The following PSD3 variants were observed in gnomAD, a reference collection of about 807,000 sequenced individuals.
PSD3 encodes pleckstrin and Sec7 domain containing 3.
Under a neutral mutation model 105.5 loss-of-function variants are expected in PSD3, and 49 were observed. The ratio of observed to expected loss-of-function variants is 0.46; its 90% CI spans 0.37 to 0.59. The LOEUF is 0.59. Among genes scored for constraint, PSD3 ranks in the 20% least tolerant of loss-of-function variants. PSD3 has a pLI of 0.00. For synonymous variants in PSD3, 557 were observed against 457.8 expected, an observed-to-expected ratio of 1.22 and a Z score of -2.77; for missense variants, 1,561 against 1,263.8, an observed-to-expected ratio of 1.24 and a Z score of -3.57.
At chr8:18,634,296 T>C (rs867610360) in intron 10 of PSD3, among the ~76,000 whole-genome samples, 1 of 151,934 alleles carries the variant, frequency 6.6e-6, no homozygotes, top group Admixed American at 6.6e-5. Flanking sequence ...TCAGTAATTG[T>C]GAGATAAGTG....
chr8:18,937,900 T>C (rs1341567814), intron 1 of PSD3, among the ~76,000 whole-genome samples: 2 of 151,960 alleles, frequency 1.3e-5, no homozygotes, highest in Non-Finnish European at 2.9e-5. Flanking sequence ...GTCAGCGACA[T>C]ATTGGCGGGA....
chr8:18,892,147 C>T (rs181097276), intron 2 of PSD3, among the ~76,000 whole-genome samples: 114 of 148,348 alleles, frequency 7.7e-4, no homozygotes, highest in Admixed American at 3.1e-3. Context: ...TCTTTCTTTC[C>T]CTATTGTTTG....
chr8:18,826,086 A>G (rs1813163288), intron 4 of PSD3, among the ~76,000 whole-genome samples: 1 of 152,182 alleles, frequency 6.6e-6, no homozygotes, highest in African/African-American at 2.4e-5. Context: ...AAGGGTAGAC[A>G]AAGTCTGAAT....
intron 4 of PSD3, among the ~76,000 whole-genome samples, chr8:18,828,091 T>TG (rs1813379940): frequency 7.4e-6 from 1 of 135,292 alleles, no homozygotes; most frequent in African/African-American, 2.8e-5. Flanking sequence ...ACAAAAAAAA[T>TG]GAGGTTAATG....
At chr8:19,054,437 T>C (rs190572686) in intron 1 of PSD3, among the ~76,000 whole-genome samples, 9 of 152,150 alleles carry the variant, frequency 5.9e-5, no homozygotes, top group African/African-American at 1.9e-4. Flanking sequence ...GACTGAATAA[T>C]GTTTGTTGAG....
At chr8:18,906,418 C>A (rs569021418) in intron 2 of PSD3, among the ~76,000 whole-genome samples, 42 of 152,242 alleles carry the variant, frequency 2.8e-4, no homozygotes, top group African/African-American at 1.0e-3. Flanking sequence ...AGATCATAAA[C>A]ATTGGAAATG....
At chr8:18,707,120 T>C (rs901730) in intron 9 of PSD3, among the ~76,000 whole-genome samples, 176 of 152,308 alleles carry the variant, frequency 1.2e-3, no homozygotes, top group African/African-American at 4.1e-3. Context: ...ATACACATCA[T>C]ATACTCACTC....
intron 15 of PSD3, among the ~76,000 whole-genome samples, chr8:18,555,414 C>T (rs1207034197): frequency 6.6e-6 from 1 of 151,904 alleles, no homozygotes; most frequent in East Asian, 1.9e-4. Context: ...AGATTCAGCA[C>T]ACCCACCAGA....
At chr8:19,045,264 G>C (rs1828277597) in intron 1 of PSD3, among the ~76,000 whole-genome samples, 1 of 152,174 alleles carries the variant, frequency 6.6e-6, no homozygotes, top group South Asian at 2.1e-4. Flanking sequence ...TGAAAGCTTT[G>C]AATGTTTGGA....
At chr8:18,887,729 C>A (rs1365857158) in intron 2 of PSD3, among the ~76,000 whole-genome samples, 1 of 152,170 alleles carries the variant, frequency 6.6e-6, no homozygotes, top group Non-Finnish European at 1.5e-5. Flanking sequence ...AACCACTTCA[C>A]AGTTGCTTTT....
chr8:18,956,787 A>AT (rs1217463625), intron 1 of PSD3, among the ~76,000 whole-genome samples: 1 of 152,144 alleles, frequency 6.6e-6, no homozygotes, highest in Non-Finnish European at 1.5e-5. Flanking sequence ...AGAAGGGACA[A>AT]TTAACAAAGG....
intron 11 of PSD3, among the ~76,000 whole-genome samples, chr8:18,617,934 G>A (rs908032411): frequency 6.6e-6 from 1 of 152,106 alleles, no homozygotes; most frequent in East Asian, 1.9e-4. Flanking sequence ...CGTCTCTAGT[G>A]GGGGAAATCT....
intron 13 of PSD3, among the ~76,000 whole-genome samples, chr8:18,573,462 C>T (rs781088709): frequency 6.6e-5 from 10 of 152,136 alleles, no homozygotes; most frequent in Non-Finnish European, 1.2e-4. Context: ...CAAAGTGAGA[C>T]TCCATCTCAA....
At chr8:18,991,764 A>G (rs1282915509) in intron 1 of PSD3, among the ~76,000 whole-genome samples, 1 of 152,234 alleles carries the variant, frequency 6.6e-6, no homozygotes, top group East Asian at 1.9e-4. Flanking sequence ...GGTCTGAATT[A>G]GCACCCTCAA....
At chr8:19,018,080 G>A (rs1303525904), upstream of PSD3, among the ~76,000 whole-genome samples, 1 of 152,250 alleles carries the variant, frequency 6.6e-6, no homozygotes, top group East Asian at 1.9e-4. Context: ...TTTTGTGTTT[G>A]ATTACAGCCA....
At chr8:18,949,247 ATATATATAT>A (rs1823080392) in intron 1 of PSD3, among the ~76,000 whole-genome samples, 3 of 69,996 alleles carry the variant, frequency 4.3e-5, no homozygotes, top group African/African-American at 1.5e-4. Flanking sequence ...AAAAAAAAAT[ATATATATAT>A]ATATATATAT....
chr8:18,962,485 G>A (rs1823984993), intron 1 of PSD3, among the ~76,000 whole-genome samples: 1 of 152,142 alleles, frequency 6.6e-6, no homozygotes, highest in African/African-American at 2.4e-5. Flanking sequence ...TTGGTGGGAG[G>A]AGGAGATAAT....
At chr8:19,039,545 A>G (rs909168824) in intron 1 of PSD3, among the ~76,000 whole-genome samples, 2 of 152,202 alleles carry the variant, frequency 1.3e-5, no homozygotes, top group African/African-American at 4.8e-5. Flanking sequence ...TATGCTTGCT[A>G]TATGACCTAG....
intron 14 of PSD3, among the ~76,000 whole-genome samples, chr8:18,572,195 A>C (rs1802185208): frequency 6.6e-6 from 1 of 152,232 alleles, no homozygotes. Flanking sequence ...TGAGCTAATA[A>C]ATGAATGCAA....
Sources: allele counts gnomAD v4.1 joint callset (sites outside exome capture counted in the v4.1 genomes callset), GRCh38; gene constraint gnomAD v4.1.1; transcripts MANE v1.5; gene names NCBI Gene and HGNC (gene_info 2026-07-23, HGNC 2026-07-21).